Variants in MARCHF8 observed in about 807,000 individuals in gnomAD.
MARCHF8 encodes the protein membrane associated ring-CH-type finger 8.
A neutral mutation model predicts 51.6 loss-of-function variants in MARCHF8; 40 were observed. The observed-to-expected ratio is 0.77, with a 90% CI of 0.60 to 1.01. The LOEUF (loss-of-function observed/expected upper bound fraction) is 1.01. Among genes scored for constraint, MARCHF8 ranks in the 50% least tolerant of loss-of-function variants. The pLI is 0.00. For missense variants in MARCHF8, 685 were observed against 708.6 expected (o/e 0.97, Z 0.38); for synonymous variants, 263 against 280.3 (o/e 0.94, Z 0.62).
chr10:45,561,712 A>T (rs2044312291), intron 1 of MARCHF8, among the ~76,000 whole-genome samples: 1 of 150,936 alleles, frequency 6.6e-6, no homozygotes, highest in Non-Finnish European at 1.5e-5. Flanking sequence ...CATCCTGGCT[A>T]ACACGGTGAA....
chr10:45,556,494 C>T (rs1052530350), intron 1 of MARCHF8, among the ~76,000 whole-genome samples: 2 of 152,188 alleles, frequency 1.3e-5, no homozygotes, highest in Non-Finnish European at 2.9e-5. Context: ...AGGCACAAGG[C>T]GGTTCACGGT....
At chr10:45,462,388 G>A (rs1842815333) in intron 5 of MARCHF8, among the ~76,000 whole-genome samples, 1 of 152,082 alleles carries the variant, frequency 6.6e-6, no homozygotes, top group South Asian at 2.1e-4. Flanking sequence ...AAAGAAGGAA[G>A]GAAGGAGCTA....
intron 1 of MARCHF8, among the ~76,000 whole-genome samples, chr10:45,547,875 T>A (rs1467715595): frequency 6.6e-6 from 1 of 152,178 alleles, no homozygotes; most frequent in Non-Finnish European, 1.5e-5. Context: ...AAATTAGATA[T>A]TTCAAAAGTG....
At chr10:45,559,512 C>T (rs1234510803) in intron 1 of MARCHF8, among the ~76,000 whole-genome samples, 4 of 152,216 alleles carry the variant, frequency 2.6e-5, no homozygotes, top group African/African-American at 9.6e-5. Context: ...TGCGCCACCA[C>T]GCCCAGCTAA....
chr10:45,576,191 G>A (rs552142970), intron 1 of MARCHF8, among the ~76,000 whole-genome samples: 1 of 152,292 alleles, frequency 6.6e-6, no homozygotes, highest in East Asian at 1.9e-4. Flanking sequence ...AGAATACAAA[G>A]TCCAGAAACA....
intron 1 of MARCHF8, among the ~76,000 whole-genome samples, chr10:45,585,288 TGTTCA>T (rs1318109736): frequency 6.6e-6 from 1 of 152,064 alleles, no homozygotes; most frequent in Non-Finnish European, 1.5e-5. Context: ...ACATGCACAA[TGTTCA>T]CATCACCACT....
chr10:45,566,204 G>A (rs989175067), intron 1 of MARCHF8, among the ~76,000 whole-genome samples: 1 of 152,144 alleles, frequency 6.6e-6, no homozygotes. Flanking sequence ...TTTCATACAG[G>A]TAAGCAATGT....
At chr10:45,500,815 C>A (rs1307173252) in intron 2 of MARCHF8, among the ~76,000 whole-genome samples, 4 of 151,824 alleles carry the variant, frequency 2.6e-5, no homozygotes, top group Non-Finnish European at 4.4e-5. Context: ...AGGAGTCCAG[C>A]AAAGTCAGAG....
At chr10:45,591,080 C>T (rs1365905981) in intron 1 of MARCHF8, among the ~76,000 whole-genome samples, 4 of 152,156 alleles carry the variant, frequency 2.6e-5, no homozygotes, top group African/African-American at 7.2e-5. Flanking sequence ...CCCTTGCCCG[C>T]AAAACATTGC....
intron 1 of MARCHF8, among the ~76,000 whole-genome samples, chr10:45,577,635 G>A (rs1387940760): frequency 6.7e-6 from 1 of 150,312 alleles, no homozygotes; most frequent in East Asian, 1.9e-4. Context: ...AATGAATGCT[G>A]GTGCCTTGAA....
chr10:45,459,231 T>C lies in MARCHF8; in HGVS notation c.1306A>G (p.Lys436Glu). 1.2e-6 allele frequency: 2 copies of C among 1,614,064 alleles called. No individual in the cohort carries two copies. The highest frequency in any genetic ancestry group is 1.7e-6 in the Non-Finnish European group (2 of 1,180,008). ...KLQMTSSERR[K>E]IMCSVTFHVI... ...TGGAATGTCACTGAGCACATGATCT[T>C]CCTGCGCTCGCTGGACGTCATCTGC... is the stretch of plus-strand genomic sequence containing the variant. The change falls in exon 7 of 8, where the codon AAG (lysine) becomes GAG (glutamate). Residue 436 changes from lysine to glutamate, a missense_variant. By Grantham distance (56) the Lys-to-Glu change is moderately conservative. Coordinates refer to ENST00000453424, the MANE Select transcript of MARCHF8 (RefSeq NM_001282866.2).
chr10:45,464,494 A>G (rs563453264), intron 3 of MARCHF8, among the ~76,000 whole-genome samples, 167 bp from the exon 4 acceptor site: 1 of 152,356 alleles, frequency 6.6e-6, no homozygotes, highest in South Asian at 2.1e-4. Context: ...CAAATCAAAT[A>G]TCACTATTTT....
chr10:45,516,746 A>AT (rs1333030471), intron 2 of MARCHF8, among the ~76,000 whole-genome samples: 1 of 152,124 alleles, frequency 6.6e-6, no homozygotes, highest in Admixed American at 6.5e-5. Context: ...CCTGGGTAAC[A>AT]GAACAAGACT....
chr10:45,582,826 A>T lies in MARCHF8; in HGVS notation c.-79+11409T>A, dbSNP rs1219121505. Among the ~76,000 whole-genome samples, 3 of 152,374 alleles carry T rather than the reference A, an allele frequency of 2.0e-5. No homozygotes were observed. The East Asian group carries it at 5.8e-4, about 29-fold the overall frequency. On this transcript the variant is annotated intron_variant, in intron 1 of 6. Transcript: ENST00000319836. ...TGAAAAAAACTAGGTAACTTAACTT[A>T]AAAAATACATAAGAAAGGAAATGTA...
intron 2 of MARCHF8, among the ~76,000 whole-genome samples, chr10:45,508,086 T>C (rs1201340267): frequency 6.6e-6 from 1 of 152,194 alleles, no homozygotes; most frequent in Non-Finnish European, 1.5e-5. Flanking sequence ...TTTACAATCA[T>C]GTAACCTTCA....
chr10:45,555,689 A>G (rs1482228892), intron 1 of MARCHF8, among the ~76,000 whole-genome samples: 2 of 151,112 alleles, frequency 1.3e-5, no homozygotes, highest in African/African-American at 4.9e-5. Context: ...GGCTGCAATG[A>G]GCCATGATTA....
chr10:45,515,458 TCCC>T (rs2043602411), intron 2 of MARCHF8, among the ~76,000 whole-genome samples: 1 of 152,238 alleles, frequency 6.6e-6, no homozygotes, highest in South Asian at 2.1e-4. Context: ...ACAAACAAGT[TCCC>T]CAAGTGTTTC....
intron 2 of MARCHF8, among the ~76,000 whole-genome samples, chr10:45,528,484 C>A (rs996051238): frequency 3.3e-5 from 5 of 152,080 alleles, no homozygotes; most frequent in African/African-American, 1.2e-4. Context: ...GTTTTTGAAA[C>A]GGTCTCACTC....
intron 1 of MARCHF8, among the ~76,000 whole-genome samples, chr10:45,592,222 A>G (rs942781524): frequency 6.6e-6 from 1 of 152,154 alleles, no homozygotes; most frequent in Non-Finnish European, 1.5e-5. Flanking sequence ...ACACTCCTTG[A>G]AAAAGAATTT....
Sources: allele counts gnomAD v4.1 joint callset (sites outside exome capture counted in the v4.1 genomes callset), GRCh38; gene constraint gnomAD v4.1.1; transcripts MANE v1.5; gene names NCBI Gene and HGNC (gene_info 2026-07-23, HGNC 2026-07-21).